TPST2: variants seen among roughly 807,000 people sequenced by gnomAD.
The protein encoded by TPST2 is tyrosylprotein sulfotransferase 2.
Under a neutral mutation model 27.8 loss-of-function variants are expected in TPST2, and 16 were observed. That is an observed-to-expected ratio of 0.58 (90% CI 0.39 to 0.88). The LOEUF is 0.88. TPST2 is among the 40% of genes least tolerant of loss of function. TPST2 has a pLI of 0.00. For missense variants in TPST2, 464 were observed against 543.1 expected, an observed-to-expected ratio of 0.85 and a Z score of 1.45; for synonymous variants, 229 against 231.7, an observed-to-expected ratio of 0.99 and a Z score of 0.10.
intron 6 of TPST2, 92 bp downstream of exon 6, chr22:26,528,122 G>T: frequency 6.9e-7 from 1 of 1,453,800 alleles, no homozygotes; most frequent in African/African-American, 1.4e-5. Flanking sequence ...CCCCAGGGAG[G>T]CTCTGGAAGG....
intron 1 of TPST2, chr22:26,550,472 A>G: frequency 1.8e-6 from 1 of 567,898 alleles, no homozygotes. Flanking sequence ...CTAAATCATC[A>G]TTTCTCCAAG....
In TPST2 at chr22:26,526,003, T is replaced by C. The variant is rs1312795594; in HGVS notation, c.*272A>G. On this transcript the variant is annotated 3_prime_UTR_variant, in exon 7 of 7. Coordinates refer to ENST00000338754, the MANE Select transcript of TPST2 (RefSeq NM_003595.5). ...GGCAAATCTGTCTCTTAAAAAAAAGTTCTTGAGGGGAAAAATATAAAATAC... is the reference window on the plus strand; with the variant it reads ...GGCAAATCTGTCTCTTAAAAAAAAGCTCTTGAGGGGAAAAATATAAAATAC... The C allele has an allele frequency of 6.6e-6, 1 of 152,168 alleles. No individual in the cohort carries two copies. Among genetic ancestry groups the C allele is most frequent in the East Asian group, 1.9e-4 (1 of 5,198 alleles). The allele number at this position is 152,168 out of a possible 1,614,324, so 9.4% of individuals were successfully genotyped here.
At chr22:26,570,494 C>T (rs1163987695) in intron 1 of TPST2, among the ~76,000 whole-genome samples, 3 of 152,116 alleles carry the variant, frequency 2.0e-5, no homozygotes, top group African/African-American at 7.2e-5. Context: ...TTTCCTTATG[C>T]GGGGCCAAAC....
chr22:26,561,459 G>A (rs1351046145), intron 1 of TPST2, among the ~76,000 whole-genome samples: 1 of 152,116 alleles, frequency 6.6e-6, no homozygotes, highest in African/African-American at 2.4e-5. Flanking sequence ...GTTATATATG[G>A]GGATGATAGT....
Position 26,542,268 on chromosome 22 carries a change from G to A in TPST2, c.-88-550C>T, listed in dbSNP as rs575662504. ...AAAAAAAAAAAAAAAAGGCTGGAGT[G>A]CATTGAGTGGTGAGAGATCATAGCT... On this transcript the variant is annotated intron_variant, in intron 2 of 6. Transcript: ENST00000338754. Among the ~76,000 whole-genome samples, 4 of 149,338 alleles carry A rather than the reference G, an allele frequency of 2.7e-5. No individual in the cohort carries two copies. The South Asian group carries it at 6.4e-4, about 24-fold the overall frequency.
At chr22:26,536,215 G>C (rs1221465945) in intron 4 of TPST2, 73 bp downstream of exon 4, 1 of 1,528,192 alleles carries the variant, frequency 6.5e-7, no homozygotes, top group Non-Finnish European at 9.0e-7. Context: ...TCCTCAGGTG[G>C]CTGGAGTTTC....
chr22:26,571,696 A>G (rs1308132452), intron 1 of TPST2, among the ~76,000 whole-genome samples: 11 of 152,276 alleles, frequency 7.2e-5, no homozygotes, highest in Middle Eastern at 3.4e-3. Context: ...CAGCATTTCA[A>G]ACTCAACACA....
intron 1 of TPST2, among the ~76,000 whole-genome samples, chr22:26,568,499 A>C (rs966326821): frequency 2.0e-5 from 3 of 152,188 alleles, no homozygotes; most frequent in Non-Finnish European, 2.9e-5. Flanking sequence ...TGATGCAATA[A>C]AGAAGCCGGA....
At chr22:26,570,008 AAAG>A (rs1569193857) in intron 1 of TPST2, among the ~76,000 whole-genome samples, 1 of 59,476 alleles carries the variant, frequency 1.7e-5, no homozygotes, top group Non-Finnish European at 3.4e-5. Flanking sequence ...AGAAAGAAAG[AAAG>A]AAAGAAAGAA....
At chr22:26,548,569 GAGAA>G (rs1742784471) in intron 1 of TPST2, among the ~76,000 whole-genome samples, 2 of 143,910 alleles carry the variant, frequency 1.4e-5, no homozygotes, top group African/African-American at 5.1e-5. Flanking sequence ...AGAGAAGAAA[GAGAA>G]AGAAAAAGGA....
chr22:26,552,213 G>A (rs979931544), intron 1 of TPST2, among the ~76,000 whole-genome samples: 1 of 152,152 alleles, frequency 6.6e-6, no homozygotes, highest in Non-Finnish European at 1.5e-5. Context: ...TACAGCACAT[G>A]GATAAAGACT....
chr22:26,567,765 A>G (rs1303561775), intron 1 of TPST2, among the ~76,000 whole-genome samples: 2 of 152,272 alleles, frequency 1.3e-5, no homozygotes, highest in Non-Finnish European at 2.9e-5. Context: ...GTCTGAAGAC[A>G]TACTTCATAA....
At chr22:26,588,733 G>T (rs773633996) in intron 1 of TPST2, among the ~76,000 whole-genome samples, 1 of 152,126 alleles carries the variant, frequency 6.6e-6, no homozygotes, top group African/African-American at 2.4e-5. Flanking sequence ...ACTGAGACTA[G>T]ATCGGAAGGA....
chr22:26,548,135 G>A, intron 1 of TPST2, among the ~76,000 whole-genome samples: 1 of 152,126 alleles, frequency 6.6e-6, no homozygotes, highest in African/African-American at 2.4e-5. Context: ...AATCTGAAAT[G>A]CTCCAAAATC....
At chr22:26,556,501 T>C (rs1004877306) in intron 1 of TPST2, among the ~76,000 whole-genome samples, 1 of 152,150 alleles carries the variant, frequency 6.6e-6, no homozygotes, top group East Asian at 1.9e-4. Flanking sequence ...GATCGCGTCA[T>C]TGCACCCTAG....
intron 1 of TPST2, among the ~76,000 whole-genome samples, chr22:26,557,158 T>A (rs1018669194): frequency 6.6e-6 from 1 of 152,176 alleles, no homozygotes; most frequent in Non-Finnish European, 1.5e-5. Context: ...GTTAGCAGTG[T>A]GAAGGCCAAC....
At chr22:26,550,757 T>G (rs1014888455) in intron 1 of TPST2, 21 of 678,296 alleles carry the variant, frequency 3.1e-5, no homozygotes, top group Non-Finnish European at 3.6e-5. Context: ...CGCCTCAACC[T>G]TCTGCAGAGC....
At chr22:26,569,738 T>C (rs1240968270) in intron 1 of TPST2, among the ~76,000 whole-genome samples, 1 of 151,442 alleles carries the variant, frequency 6.6e-6, no homozygotes, top group Non-Finnish European at 1.5e-5. Context: ...TCACCTGAGG[T>C]CAGGAGTTCA....
chr22:26,577,540 G>A (rs562270126), intron 1 of TPST2, among the ~76,000 whole-genome samples: 6 of 151,480 alleles, frequency 4.0e-5, no homozygotes, highest in East Asian at 3.9e-4. Context: ...TAGTAGAGAT[G>A]GGGTTTCACC....
Sources: allele counts gnomAD v4.1 joint callset (sites outside exome capture counted in the v4.1 genomes callset), GRCh38; gene constraint gnomAD v4.1.1; transcripts MANE v1.5; gene names NCBI Gene and HGNC (gene_info 2026-07-23, HGNC 2026-07-21).